Variants in TIMM9 observed in about 807,000 individuals in gnomAD.
TIMM9 encodes mitochondrial import inner membrane translocase subunit Tim9.
In TIMM9, 10 loss-of-function variants were observed where a neutral mutation model predicts 13.4. The observed-to-expected ratio is 0.75, with a 90% CI of 0.46 to 1.26. The LOEUF is 1.26. Among genes scored for constraint, TIMM9 ranks in the 50% most tolerant of loss-of-function variants. TIMM9 has a pLI of 0.00. For missense variants in TIMM9, 87 were observed against 100.8 expected, an observed-to-expected ratio of 0.86 and a Z score of 0.58; for synonymous variants, 32 against 32.1, an observed-to-expected ratio of 1.00 and a Z score of 0.01.
intron 3 of TIMM9, among the ~76,000 whole-genome samples, chr14:58,413,364 A>G (rs1362646117): frequency 3.9e-5 from 6 of 152,250 alleles, no homozygotes; most frequent in African/African-American, 1.4e-4. Flanking sequence ...TTAATAGTTA[A>G]CAAACACCAG....
chr14:58,420,417 C>T (rs2036553899), intron 3 of TIMM9, among the ~76,000 whole-genome samples: 1 of 152,084 alleles, frequency 6.6e-6, no homozygotes, highest in South Asian at 2.1e-4. Flanking sequence ...AAAGGTATTT[C>T]AGCAAAAAGG....
Position 58,408,863 on chromosome 14 carries a change from CCT to C in TIMM9, c.*169_*170del. The stretch of plus-strand genomic sequence containing the variant: ...AATAAGACCTTCTATTGTGATTATT[CCT>C]GGTAAATAGCAATTTTGTTTCTCCA... On this transcript the variant is annotated 3_prime_UTR_variant, in exon 6 of 6. Coordinates refer to ENST00000395159, the MANE Select transcript of TIMM9 (RefSeq NM_012460.4). The C allele has an allele frequency of 1.1e-6, 1 of 921,658 alleles. No individual in the cohort carries two copies. The allele number at this position is 921,658 out of a possible 1,614,324, so 57.1% of individuals were successfully genotyped here. A position where few individuals can be genotyped will look rare whatever the true frequency, so the allele number is the denominator to read the frequency against.
At chr14:58,425,256 CA>C (rs1267687125) in intron 2 of TIMM9, among the ~76,000 whole-genome samples, 1 of 151,938 alleles carries the variant, frequency 6.6e-6, no homozygotes, top group Non-Finnish European at 1.5e-5. Flanking sequence ...ACTAAAAACA[CA>C]AAAATTATCT....
intron 3 of TIMM9, among the ~76,000 whole-genome samples, chr14:58,420,308 T>A (rs139581360): frequency 6.6e-6 from 1 of 151,996 alleles, no homozygotes; most frequent in African/African-American, 2.4e-5. Context: ...GCAAACTACA[T>A]AACTGACAAA....
intron 3 of TIMM9, among the ~76,000 whole-genome samples, chr14:58,421,319 T>C (rs992073013): frequency 6.6e-6 from 1 of 152,154 alleles, no homozygotes; most frequent in Non-Finnish European, 1.5e-5. Context: ...GAAGAACATA[T>C]GGTTGCCAAG....
intron 4 of TIMM9, 93 bp from the exon 5 acceptor site, chr14:58,411,031 T>C: frequency 1.2e-6 from 1 of 821,694 alleles, no homozygotes; most frequent in South Asian, 1.6e-5. Flanking sequence ...TTAGACAAAA[T>C]ATACTATAAC....
chr14:58,426,262 A>G (rs1405125484), intron 2 of TIMM9, among the ~76,000 whole-genome samples: 2 of 151,338 alleles, frequency 1.3e-5, no homozygotes, highest in Non-Finnish European at 2.9e-5. Flanking sequence ...CTGGAGCACA[A>G]TGGCGCGATC....
intron 3 of TIMM9, among the ~76,000 whole-genome samples, chr14:58,422,622 C>T (rs919417700): frequency 1.3e-5 from 2 of 152,030 alleles, no homozygotes; most frequent in African/African-American, 4.8e-5. Flanking sequence ...ATTACTTAAA[C>T]AGTGTATGTT....
intron 3 of TIMM9, among the ~76,000 whole-genome samples, chr14:58,418,873 C>A (rs1358923909): frequency 6.6e-6 from 1 of 152,054 alleles, no homozygotes; most frequent in Non-Finnish European, 1.5e-5. Context: ...TGCCAATTTT[C>A]TTAAGGCTGA....
At chr14:58,420,804 A>C (rs1423341060) in intron 3 of TIMM9, among the ~76,000 whole-genome samples, 1 of 151,808 alleles carries the variant, frequency 6.6e-6, no homozygotes, top group Non-Finnish European at 1.5e-5. Context: ...AAAAAAAAAA[A>C]AAAAAAAAAC....
At chr14:58,420,060 G>T (rs2036543711) in intron 3 of TIMM9, among the ~76,000 whole-genome samples, 1 of 152,202 alleles carries the variant, frequency 6.6e-6, no homozygotes. Flanking sequence ...ACAGGGCTGG[G>T]ATTACAGGCG....
In TIMM9 at chr14:58,410,889, A is replaced by G; in HGVS notation, c.89T>C (p.Leu30Ser). ...TGTTGTGAAGTCTTTAACACAGTCC[A>G]AAAAGCAGGTCTCTGTAAGTTTATT... ...TYNKLTETCF[L>S]DCVKDFTTRE... Residue 30 changes from leucine (L) to serine (S), a missense_variant, in exon 5 of 6, where the codon TTG (leucine) becomes TCG (serine). Physicochemically the swap from Leu to Ser is moderately radical, Grantham distance 145 (BLOSUM62 -2). Coordinates refer to ENST00000395159, the MANE Select transcript of TIMM9 (RefSeq NM_012460.4). 1.9e-6 allele frequency: 3 copies of G among 1,613,274 alleles called. No individual in the cohort carries two copies. In the East Asian group the frequency reaches 6.7e-5, roughly 36 times the overall value.
At chr14:58,409,281 GAATTAAAT>G in intron 5 of TIMM9, 113 bp from the exon 6 acceptor site, 1 of 1,169,366 alleles carries the variant, frequency 8.6e-7, no homozygotes, top group Non-Finnish European at 1.2e-6. Context: ...ATATATCTGA[GAATTAAAT>G]AGTACTAATT....
chr14:58,416,188 A>G (rs1029749147), intron 3 of TIMM9, among the ~76,000 whole-genome samples: 1 of 152,198 alleles, frequency 6.6e-6, no homozygotes, highest in African/African-American at 2.4e-5. Flanking sequence ...AGATCATGTC[A>G]GTGCATTCCA....
At chr14:58,411,172 G>A (rs759765852) in intron 4 of TIMM9, among the ~76,000 whole-genome samples, 1 of 152,146 alleles carries the variant, frequency 6.6e-6, no homozygotes, top group African/African-American at 2.4e-5. Flanking sequence ...GCTTGGCCGG[G>A]TGCGGTAGCT....
At chr14:58,419,499 AC>A (rs1327133920) in intron 3 of TIMM9, among the ~76,000 whole-genome samples, 14 of 149,000 alleles carry the variant, frequency 9.4e-5, no homozygotes, top group African/African-American at 3.3e-4. Flanking sequence ...ACACACACAC[AC>A]ACACAAACAC....
Position 58,427,116 on chromosome 14 carries a change from G to T in TIMM9, c.-177C>A. On this transcript the variant is annotated 5_prime_UTR_variant, in exon 2 of 6. Transcript: ENST00000395159. ...CTGGGGGTTGTTGGGGGACGGTTGA[G>T]CCTTGGGAGGGAGGGTCAGGGTCTG... The T allele has an allele frequency of 6.1e-6, 1 of 162,820 alleles. No individual in the cohort carries two copies. Among genetic ancestry groups the T allele is most frequent in the South Asian group, 1.4e-4 (1 of 7,366 alleles). 10.1% of individuals were successfully genotyped at this position (162,820 alleles called of 1,614,324 possible). A position where few individuals can be genotyped will look rare whatever the true frequency, so the allele number is the denominator to read the frequency against.
At chr14:58,422,449 T>A (rs1400796467) in intron 3 of TIMM9, among the ~76,000 whole-genome samples, 1 of 152,140 alleles carries the variant, frequency 6.6e-6, no homozygotes, top group Admixed American at 6.6e-5. Flanking sequence ...TCTCTAAGTT[T>A]CATACTGGTA....
intron 4 of TIMM9, among the ~76,000 whole-genome samples, chr14:58,411,472 C>T (rs145369619): frequency 8.9e-4 from 135 of 150,910 alleles, no homozygotes; most frequent in Middle Eastern, 3.4e-3. Context: ...AAGAAAAATA[C>T]GTACACTTTA....
Sources: allele counts gnomAD v4.1 joint callset (sites outside exome capture counted in the v4.1 genomes callset), GRCh38; gene constraint gnomAD v4.1.1; transcripts MANE v1.5; gene names NCBI Gene and HGNC (gene_info 2026-07-23, HGNC 2026-07-21).